Variants in CDH18 observed in about 807,000 individuals in gnomAD.
CDH18 encodes cadherin 18.
In CDH18, 31 loss-of-function variants were observed where a neutral mutation model predicts 67.9. The observed-to-expected ratio is 0.46, with a 90% CI of 0.34 to 0.62. The LOEUF (loss-of-function observed/expected upper bound fraction) is 0.62. CDH18 is among the 20% of genes least tolerant of loss of function. The pLI is 0.01. For missense variants in CDH18, 890 were observed against 975.5 expected, an observed-to-expected ratio of 0.91 and a Z score of 1.17; for synonymous variants, 362 against 347.2, an observed-to-expected ratio of 1.04 and a Z score of -0.48.
In CDH18 at chr5:19,687,434, G is replaced by A. The variant is rs115949367; in HGVS notation, c.643+33913C>T. Among the ~76,000 whole-genome samples, 761 of 152,238 alleles carry A rather than the reference G, an allele frequency of 5.0e-3. 3 individuals carry two copies. The highest frequency in any genetic ancestry group is 0.018 in the African/African-American group (733 of 41,560). ...AGAGGACTACAGTGGCATGACATCA[G>A]TTACACCCACTGGAATGGCAGGGTC... On this transcript the variant is annotated intron_variant, in intron 5 of 12. Transcript: ENST00000382275.
intron 2 of CDH18, among the ~76,000 whole-genome samples, chr5:19,940,771 A>C (rs1579706018): frequency 6.6e-6 from 1 of 152,130 alleles, no homozygotes; most frequent in East Asian, 1.9e-4. Context: ...CTTTTCTCCA[A>C]GTACTAGTTT....
chr5:20,361,701 G>A (rs1196764630), intron 1 of CDH18, among the ~76,000 whole-genome samples: 1 of 151,992 alleles, frequency 6.6e-6, no homozygotes, highest in East Asian at 1.9e-4. Context: ...GGCATATTTG[G>A]TTTCTTAATA....
chr5:19,548,334 C>T (rs1035399456), intron 8 of CDH18, among the ~76,000 whole-genome samples: 4 of 151,708 alleles, frequency 2.6e-5, no homozygotes, highest in Admixed American at 6.6e-5. Context: ...GTTACAGCTA[C>T]CAAAAATGAA....
At chr5:19,706,347 C>T (rs558637876) in intron 5 of CDH18, among the ~76,000 whole-genome samples, 13 of 152,314 alleles carry the variant, frequency 8.5e-5, no homozygotes, top group East Asian at 3.9e-4. Flanking sequence ...CAGACACTTT[C>T]GCAATTTAAC....
Position 20,005,415 on chromosome 5 carries a change from TACACACAC to T in CDH18, c.-517-13409_-517-13402del, listed in dbSNP as rs3065076. Among the ~76,000 whole-genome samples the T allele has an allele frequency of 7.1e-3, 1,041 of 147,022 alleles. 23 individuals carry two copies. Among genetic ancestry groups the T allele is most frequent in the Admixed American group, 0.04 (592 of 14,690 alleles). On this transcript the variant is annotated intron_variant, in intron 2 of 14. Coordinates refer to the CDH18 transcript ENST00000507958. The stretch of plus-strand genomic sequence containing the variant: ...TATAAACAAAGTATATATATATATG[TACACACAC>T]ACACACACACACACACACACACACA...
intron 2 of CDH18, among the ~76,000 whole-genome samples, chr5:20,072,004 G>A (rs565696964): frequency 2.0e-5 from 3 of 152,092 alleles, no homozygotes; most frequent in South Asian, 2.1e-4. Flanking sequence ...TATATATCTC[G>A]TTATTACTAA....
At chr5:19,831,620 G>A (rs115980019) in intron 3 of CDH18, among the ~76,000 whole-genome samples, 1,738 of 152,094 alleles carry the variant, frequency 0.011, 26 homozygotes, top group African/African-American at 0.04. Context: ...TAGCAGGACT[G>A]TGGAGAAAAG....
intron 2 of CDH18, among the ~76,000 whole-genome samples, chr5:20,254,634 G>T (rs1339563057): frequency 1.3e-5 from 2 of 152,186 alleles, no homozygotes; most frequent in East Asian, 3.8e-4. Flanking sequence ...TGGAAAGGCT[G>T]TAAAGAAAAG....
At chr5:20,119,211 T>C (rs1748159941) in intron 2 of CDH18, among the ~76,000 whole-genome samples, 1 of 152,196 alleles carries the variant, frequency 6.6e-6, no homozygotes, top group African/African-American at 2.4e-5. Context: ...TTACCTTTGC[T>C]AAAAGTAATT....
rs756890884 is a variant in CDH18 at position 19,690,608 on chromosome 5, C to T, written c.643+30739G>A. On this transcript the variant is annotated intron_variant, in intron 5 of 12. Coordinates refer to ENST00000382275, the MANE Select transcript of CDH18 (RefSeq NM_004934.5). ...GAAACATAAAAGGATACATTACAAC[C>T]GATACCACAGAAATACAAAAAAAAT... Among the ~76,000 whole-genome samples, 16 of 151,302 alleles carry T rather than the reference C, an allele frequency of 1.1e-4. No individual in the cohort carries two copies. In the East Asian group the frequency reaches 1.5e-3, roughly 15 times the overall value.
intron 2 of CDH18, among the ~76,000 whole-genome samples, chr5:20,140,431 C>T (rs894231584): frequency 1.3e-5 from 2 of 151,966 alleles, no homozygotes; most frequent in African/African-American, 2.4e-5. Flanking sequence ...GAAACCTGCA[C>T]ATTGTGCACA....
intron 1 of CDH18, among the ~76,000 whole-genome samples, chr5:20,330,879 A>G: frequency 6.6e-6 from 1 of 152,230 alleles, no homozygotes; most frequent in African/African-American, 2.4e-5. Flanking sequence ...TTTTTAATAA[A>G]CTTTCACTCG....
intron 1 of CDH18, among the ~76,000 whole-genome samples, chr5:20,293,972 C>A (rs1747297445): frequency 1.3e-5 from 2 of 152,042 alleles, no homozygotes; most frequent in African/African-American, 4.8e-5. Flanking sequence ...TTAATTTTTT[C>A]TGTTTACTTT....
chr5:19,599,223 T>C (rs561259467), intron 6 of CDH18, among the ~76,000 whole-genome samples: 1 of 152,218 alleles, frequency 6.6e-6, no homozygotes, highest in African/African-American at 2.4e-5. Context: ...AACATATTCA[T>C]AGATGTCCTA....
intron 1 of CDH18, among the ~76,000 whole-genome samples, chr5:20,423,154 T>C (rs1747995604): frequency 6.6e-6 from 1 of 151,356 alleles, no homozygotes; most frequent in African/African-American, 2.5e-5. Flanking sequence ...ACCTTTGGTC[T>C]CCTTCTCCAG....
At chr5:19,648,169 C>T (rs1478169634) in intron 5 of CDH18, among the ~76,000 whole-genome samples, 2 of 152,062 alleles carry the variant, frequency 1.3e-5, no homozygotes, top group Non-Finnish European at 2.9e-5. Flanking sequence ...AATCCCAGAA[C>T]TTTGGGAGGC....
chr5:20,515,519 A>T (rs1030646179), intron 1 of CDH18, among the ~76,000 whole-genome samples: 1 of 152,044 alleles, frequency 6.6e-6, no homozygotes, highest in Admixed American at 6.6e-5. Context: ...AATGCCACCT[A>T]GATACGCATT....
intron 2 of CDH18, among the ~76,000 whole-genome samples, chr5:20,203,159 T>G (rs2126311301): frequency 6.6e-6 from 1 of 152,270 alleles, no homozygotes. Flanking sequence ...GGGAATAATG[T>G]GATGGAGATG....
At chr5:20,383,701 T>G (rs1253157403) in intron 1 of CDH18, among the ~76,000 whole-genome samples, 1 of 152,132 alleles carries the variant, frequency 6.6e-6, no homozygotes, top group Non-Finnish European at 1.5e-5. Context: ...ACATATTTTC[T>G]TAGAAACCAA....
Sources: allele counts gnomAD v4.1 joint callset (sites outside exome capture counted in the v4.1 genomes callset), GRCh38; gene constraint gnomAD v4.1.1; transcripts MANE v1.5; gene names NCBI Gene and HGNC (gene_info 2026-07-23, HGNC 2026-07-21).